HLCS: variants seen among roughly 807,000 people sequenced by gnomAD.
The protein encoded by HLCS is holocarboxylase synthetase, also known as biotin--protein ligase.
In HLCS, 53 loss-of-function variants were observed where a neutral mutation model predicts 75.0. The observed-to-expected ratio is 0.71, with a 90% CI of 0.57 to 0.89. The LOEUF (loss-of-function observed/expected upper bound fraction) is 0.89, where lower values mean the gene tolerates loss of function less well. HLCS is among the 40% of genes least tolerant of loss of function. The probability of loss-of-function intolerance (pLI) is 0.00; values close to 1 mark genes in which losing one functional copy is unlikely to be tolerated. For missense variants in HLCS, 966 were observed against 1,074.0 expected (o/e 0.90, Z 1.41); for synonymous variants, 431 against 428.6 (o/e 1.01, Z -0.07).
chr21:36,917,329 T>A (rs1424377309), intron 5 of HLCS, among the ~76,000 whole-genome samples: 1 of 152,182 alleles, frequency 6.6e-6, no homozygotes, highest in Non-Finnish European at 1.5e-5. Context: ...GAAGGGCTGC[T>A]GAACCATTCT....
intron 5 of HLCS, among the ~76,000 whole-genome samples, chr21:36,923,791 C>T (rs1287451374): frequency 6.6e-6 from 1 of 152,170 alleles, no homozygotes; most frequent in East Asian, 1.9e-4. Context: ...CATCAAAACC[C>T]ATCATGTCAC....
At chr21:36,803,888 C>T (rs2061286109) in intron 6 of HLCS, 1 of 152,132 alleles carries the variant, frequency 6.6e-6, no homozygotes, top group Non-Finnish European at 1.5e-5. Flanking sequence ...CGTCTGTGCA[C>T]ACACACATAC....
Position 36,867,108 on chromosome 21 carries a change from G to C in HLCS, c.1892+29752C>G, listed in dbSNP as rs2063585042. 2.0e-5 allele frequency among the ~76,000 whole-genome samples: 3 copies of C among 152,240 alleles called. 1 individual carries two copies. In the East Asian group the frequency reaches 5.8e-4, roughly 29 times the overall value. On this transcript the variant is annotated intron_variant, in intron 6 of 10. Coordinates refer to ENST00000674895, the MANE Select transcript of HLCS (RefSeq NM_001352514.2). Reference sequence around the variant, plus strand: ...TAGGCAGTTTAACAATAGCTATCCAGACTAAAGACACATGCTTGATGACCC... The same window carrying C: ...TAGGCAGTTTAACAATAGCTATCCACACTAAAGACACATGCTTGATGACCC...
At position 36,900,557 on chromosome 21, in the gene HLCS, CAGAAGGT is replaced by C. The variant is rs1410246382; in HGVS notation, c.1621-3433_1621-3427del. On this transcript the variant is annotated intron_variant, in intron 5 of 10. Coordinates refer to ENST00000674895, the MANE Select transcript of HLCS (RefSeq NM_001352514.2). ...TCACTCGAGGAGCAACAGGGAGCCC[CAGAAGGT>C]TCTGGGGAAGGTCGTGGGATGTCCT... 3.3e-5 allele frequency among the ~76,000 whole-genome samples: 5 copies of C among 152,238 alleles called. No homozygotes were observed. The South Asian group carries it at 8.3e-4, about 25-fold the overall frequency.
chr21:36,873,353 T>G (rs1180808256), intron 6 of HLCS, among the ~76,000 whole-genome samples: 1 of 152,142 alleles, frequency 6.6e-6, no homozygotes, highest in Non-Finnish European at 1.5e-5. Flanking sequence ...CTTGACCTTG[T>G]GATCCGCCTG....
At chr21:36,907,861 T>C (rs1170325984) in intron 5 of HLCS, among the ~76,000 whole-genome samples, 1 of 151,968 alleles carries the variant, frequency 6.6e-6, no homozygotes, top group African/African-American at 2.4e-5. Context: ...CAAAAGAAAA[T>C]ATCGGATCGC....
At chr21:36,838,298 T>TCTCACACA (rs1555907757) in intron 6 of HLCS, among the ~76,000 whole-genome samples, 80 of 127,352 alleles carry the variant, frequency 6.3e-4, no homozygotes, top group Middle Eastern at 7.6e-3. Context: ...GGGTGAATGA[T>TCTCACACA]CACACACACA....
Position 36,936,775 on chromosome 21 carries a change from A to T in HLCS, c.1111T>A (p.Ser371Thr). ...TTCTGGTACAGGTCTTCGGGAATGG[A>T]CTCCCTGGTAGCAATGACCAACAGC... ...CLLLVIATRE[S>T]IPEDLYQKFM... Residue 371 changes from serine (S) to threonine (T), a missense_variant, in exon 4 of 11, where the codon TCC becomes ACC. Coordinates refer to ENST00000674895, the MANE Select transcript of HLCS (RefSeq NM_001352514.2). The T allele has an allele frequency of 6.2e-7, 1 of 1,613,960 alleles. No homozygotes were observed. The highest frequency in any genetic ancestry group is 8.5e-7 in the Non-Finnish European group (1 of 1,179,994).
chr21:36,882,137 C>G (rs2062125160), intron 6 of HLCS, among the ~76,000 whole-genome samples: 1 of 151,402 alleles, frequency 6.6e-6, no homozygotes, highest in Admixed American at 6.6e-5. Context: ...AAAAAATTAG[C>G]CGGGCGTGGT....
At chr21:36,784,398 C>T (rs2060627163) in intron 6 of HLCS, among the ~76,000 whole-genome samples, 1 of 151,378 alleles carries the variant, frequency 6.6e-6, no homozygotes, top group South Asian at 2.1e-4. Flanking sequence ...TCACTGAACC[C>T]TCTACCTCCC....
At chr21:36,822,495 T>C (rs746576268) in intron 6 of HLCS, among the ~76,000 whole-genome samples, 2 of 152,192 alleles carry the variant, frequency 1.3e-5, no homozygotes, top group African/African-American at 2.4e-5. Context: ...ATAAAGCATA[T>C]TTATCTGACC....
chr21:36,947,872 G>A (rs2067478685), intron 2 of HLCS: 7 of 985,262 alleles, frequency 7.1e-6, no homozygotes, highest in Admixed American at 1.2e-4. Flanking sequence ...GTCAGATCAC[G>A]GATGCTGCTA....
At chr21:36,882,777 T>C (rs986136352) in intron 6 of HLCS, among the ~76,000 whole-genome samples, 3 of 152,080 alleles carry the variant, frequency 2.0e-5, no homozygotes. Context: ...GAGGTTTTTG[T>C]ATTTCATTTT....
intron 5 of HLCS, among the ~76,000 whole-genome samples, chr21:36,898,419 C>T (rs2065098871): frequency 8.8e-6 from 1 of 113,294 alleles, no homozygotes; most frequent in Admixed American, 1.0e-4. Context: ...GCACTCCAGC[C>T]TGGCAACAAA....
At chr21:36,841,313 G>A (rs1014744439) in intron 6 of HLCS, among the ~76,000 whole-genome samples, 8 of 152,190 alleles carry the variant, frequency 5.3e-5, no homozygotes, top group Non-Finnish European at 8.8e-5. Context: ...ACCACTGTCC[G>A]AATAGTAGAG....
At chr21:36,907,869 C>T (rs921831500) in intron 5 of HLCS, among the ~76,000 whole-genome samples, 1 of 152,104 alleles carries the variant, frequency 6.6e-6, no homozygotes, top group African/African-American at 2.4e-5. Flanking sequence ...AATATCGGAT[C>T]GCCAATAAGC....
intron 1 of HLCS, 96 bp downstream of exon 1, chr21:36,966,348 T>C: frequency 1.8e-6 from 1 of 561,804 alleles, no homozygotes; most frequent in Non-Finnish European, 2.3e-6. Context: ...ACTCCGGGGC[T>C]CCCGAACTCC....
intron 5 of HLCS, among the ~76,000 whole-genome samples, chr21:36,916,518 A>ATTTT (rs57613865): frequency 6.5e-5 from 6 of 93,012 alleles, no homozygotes; most frequent in East Asian, 2.6e-4. Flanking sequence ...TGCCTAGCTA[A>ATTTT]TTTTTTTTTT....
chr21:36,989,432 TC>T (rs2069297546), intron 1 of HLCS, among the ~76,000 whole-genome samples: 1 of 149,626 alleles, frequency 6.7e-6, no homozygotes, highest in African/African-American at 2.5e-5. Context: ...CAAGTGATTC[TC>T]CTGCCTCAGC....
Sources: gnomAD v4.1 joint callset for allele counts (sites outside exome capture counted in the v4.1 genomes callset) on GRCh38, gnomAD v4.1.1 for gene constraint, MANE v1.5 for transcripts, NCBI Gene and HGNC (gene_info 2026-07-23, HGNC 2026-07-21) for gene names.